KCNH8: variants seen among roughly 807,000 people sequenced by gnomAD.
KCNH8 encodes voltage-gated delayed rectifier potassium channel KCNH8.
A neutral mutation model predicts 103.6 loss-of-function variants in KCNH8; 70 were observed. That is an observed-to-expected ratio of 0.68 (90% CI 0.56 to 0.82). The LOEUF is 0.82. KCNH8 is among the 40% of genes least tolerant of loss of function. The pLI is 0.00. For missense variants in KCNH8, 1,217 were observed against 1,329.9 expected (o/e 0.92, Z 1.32); for synonymous variants, 498 against 489.4 (o/e 1.02, Z -0.23).
chr3:19,190,554 A>T (rs578229396), intron 1 of KCNH8, among the ~76,000 whole-genome samples: 1 of 151,990 alleles, frequency 6.6e-6, no homozygotes, highest in Admixed American at 6.6e-5. Flanking sequence ...CTTTGACGGA[A>T]TATTTTTCCT....
chr3:19,318,576 C>T (rs2065305656), intron 3 of KCNH8, among the ~76,000 whole-genome samples: 1 of 151,214 alleles, frequency 6.6e-6, no homozygotes, highest in African/African-American at 2.4e-5. Flanking sequence ...TCTCCAATTC[C>T]ATCCAGGTTG....
intron 1 of KCNH8, among the ~76,000 whole-genome samples, chr3:19,170,772 A>C (rs1407572669): frequency 8.3e-6 from 1 of 120,188 alleles, no homozygotes; most frequent in African/African-American, 3.4e-5. Context: ...ACACATATAT[A>C]TACACACACA....
Position 19,359,474 on chromosome 3 carries a change from A to G in KCNH8, c.811+11509A>G, listed in dbSNP as rs377228599. On this transcript the variant is annotated intron_variant, in intron 5 of 15. Transcript: ENST00000328405. ...ACTAGCACATCAATATTTTTAGACT[A>G]TAGGAGATTTGAAAAACGTGATCGA... Among the ~76,000 whole-genome samples the G allele has an allele frequency of 9.9e-5, 15 of 152,170 alleles. 1 individual carries two copies. The highest frequency in any genetic ancestry group is 4.6e-4 in the Admixed American group (7 of 15,246).
At chr3:19,235,739 G>A (rs1484346796) in intron 1 of KCNH8, among the ~76,000 whole-genome samples, 1 of 152,174 alleles carries the variant, frequency 6.6e-6, no homozygotes, top group African/African-American at 2.4e-5. Context: ...TGCCATCAGA[G>A]GGTCTCAGGC....
chr3:19,213,153 T>TG (rs2063786777), intron 1 of KCNH8, among the ~76,000 whole-genome samples: 1 of 152,244 alleles, frequency 6.6e-6, no homozygotes, highest in Admixed American at 6.5e-5. Context: ...GTGCTGCTTG[T>TG]GCACATGGAA....
intron 11 of KCNH8, among the ~76,000 whole-genome samples, chr3:19,463,611 T>C (rs556720382): frequency 8.5e-5 from 13 of 152,272 alleles, no homozygotes; most frequent in African/African-American, 2.9e-4. Context: ...AGAAGATTAA[T>C]AAAAGTGTAT....
intron 3 of KCNH8, among the ~76,000 whole-genome samples, chr3:19,282,560 C>G (rs2064771902): frequency 6.6e-6 from 1 of 152,068 alleles, no homozygotes; most frequent in Non-Finnish European, 1.5e-5. Context: ...AAATATAACA[C>G]AATCCTTAGA....
intron 2 of KCNH8, among the ~76,000 whole-genome samples, chr3:19,256,439 G>A (rs2064346939): frequency 2.0e-5 from 3 of 152,040 alleles, no homozygotes; most frequent in Admixed American, 2.0e-4. Flanking sequence ...ATTGAAAGGA[G>A]GCCTGAGATA....
chr3:19,280,122 T>C (rs1355109113), intron 2 of KCNH8, among the ~76,000 whole-genome samples: 35 of 152,110 alleles, frequency 2.3e-4, no homozygotes, highest in Non-Finnish European at 7.4e-5. Flanking sequence ...CAAGATTTTT[T>C]TACATATTTC....
chr3:19,423,942 C>G (rs1360330401), intron 7 of KCNH8, among the ~76,000 whole-genome samples: 1 of 151,946 alleles, frequency 6.6e-6, no homozygotes, highest in Non-Finnish European at 1.5e-5. Flanking sequence ...GTGCCAGCAT[C>G]TATTAATTTT....
intron 11 of KCNH8, among the ~76,000 whole-genome samples, chr3:19,469,435 G>GTTTT (rs1342347754): frequency 6.6e-6 from 1 of 151,924 alleles, no homozygotes; most frequent in East Asian, 1.9e-4. Flanking sequence ...TGTTGCTGTT[G>GTTTT]TTGTTTTTTG....
chr3:19,519,721 C>A (rs1171892832), intron 15 of KCNH8, among the ~76,000 whole-genome samples: 2 of 151,950 alleles, frequency 1.3e-5, no homozygotes, highest in East Asian at 3.9e-4. Flanking sequence ...CGTTGGAGAA[C>A]TGGATGTTAA....
chr3:19,313,718 C>T (rs1463514499), intron 3 of KCNH8, among the ~76,000 whole-genome samples: 1 of 150,176 alleles, frequency 6.7e-6, no homozygotes, highest in Non-Finnish European at 1.5e-5. Context: ...AAAAAAACAA[C>T]TCAATAACTG....
chr3:19,462,409 T>C (rs2067650696), intron 11 of KCNH8, among the ~76,000 whole-genome samples: 2 of 152,262 alleles, frequency 1.3e-5, no homozygotes, highest in African/African-American at 4.8e-5. Context: ...GAGCATTTCT[T>C]CATGTGTCTG....
chr3:19,530,207 TA>T (rs1575179523), intron 15 of KCNH8, among the ~76,000 whole-genome samples: 1 of 152,242 alleles, frequency 6.6e-6, no homozygotes, highest in East Asian at 1.9e-4. Flanking sequence ...GAAGTACAGT[TA>T]GATTAAAGGA....
At chr3:19,328,496 C>G (rs1343929328) in intron 3 of KCNH8, among the ~76,000 whole-genome samples, 7 of 152,038 alleles carry the variant, frequency 4.6e-5, no homozygotes, top group African/African-American at 1.7e-4. Context: ...AAACAACTGG[C>G]AATTTTTCAA....
intron 11 of KCNH8, among the ~76,000 whole-genome samples, chr3:19,484,985 C>T (rs1001531910): frequency 2.6e-5 from 4 of 151,898 alleles, no homozygotes; most frequent in African/African-American, 9.7e-5. Flanking sequence ...TAGGAAGGGC[C>T]TGTATCTATT....
At chr3:19,249,855 T>C (rs2064253492) in intron 1 of KCNH8, among the ~76,000 whole-genome samples, 1 of 152,030 alleles carries the variant, frequency 6.6e-6, no homozygotes, top group Admixed American at 6.6e-5. Context: ...TACCCAGGGG[T>C]TTTCACTGCA....
rs1159200194 is a variant in KCNH8, at chr3:19,450,159, T to C, written c.1429T>C (p.Tyr477His). The C allele has an allele frequency of 5.0e-6, 8 of 1,613,568 alleles. No individual in the cohort carries two copies. In the African/African-American group the frequency reaches 6.7e-5, roughly 13 times the overall value. ...GNVTAIIQRMYSRWSLYHTRT... is the reference protein window; with the variant it reads ...GNVTAIIQRMHSRWSLYHTRT... Reference sequence around the variant, plus strand: ...CGTGACAGCAATCATACAGAGGATGTACTCCAGATGGTCCCTCTATCACAC... The same window carrying C: ...CGTGACAGCAATCATACAGAGGATGCACTCCAGATGGTCCCTCTATCACAC... The change falls in exon 9 of 16, where the codon TAC becomes CAC. Residue 477 changes from tyrosine (Y) to histidine (H), a missense_variant. Physicochemically the swap from Tyr to His is moderately conservative, Grantham distance 83. This residue lies in a region of KCNH8 where 415 missense variants were observed against 577.4 expected (regional missense o/e 0.72). Coordinates refer to ENST00000328405, the MANE Select transcript of KCNH8 (RefSeq NM_144633.3).
Sources: gnomAD v4.1 joint callset for allele counts (sites outside exome capture counted in the v4.1 genomes callset) on GRCh38, gnomAD v4.1.1 for gene constraint, gnomAD v4.1.1 regional missense constraint, MANE v1.5 for transcripts, NCBI Gene and HGNC (gene_info 2026-07-23, HGNC 2026-07-21) for gene names.